The following RPL34 variants were observed in gnomAD, a reference collection of about 807,000 sequenced individuals.
RPL34 encodes the protein large ribosomal subunit protein eL34.
RPL34 carries 2 observed loss-of-function variants against 16.3 expected under a neutral mutation model. The ratio of observed to expected loss-of-function variants is 0.12; its 90% CI spans 0.05 to 0.39. The LOEUF (loss-of-function observed/expected upper bound fraction) is 0.39. RPL34 is among the 10% of genes least tolerant of loss of function. The pLI is 0.99. For missense variants in RPL34, 82 were observed against 148.8 expected, an observed-to-expected ratio of 0.55 and a Z score of 2.33; for synonymous variants, 47 against 48.5, an observed-to-expected ratio of 0.97 and a Z score of 0.13.
chr4:108,628,757 C>T (rs1240819798), downstream of RPL34, among the ~76,000 whole-genome samples: 1 of 151,966 alleles, frequency 6.6e-6, no homozygotes, highest in Non-Finnish European at 1.5e-5. Context: ...TAACAAACAG[C>T]TTTGTAGACT....
Position 108,622,154 on chromosome 4 carries a change from G to A in RPL34, c.115G>A (p.Gly39Arg), listed in dbSNP as rs1435599552. ...TGTTTACCTTTATACCAAGAAGGTT[G>A]GGAAAGCACCAAAATCTGCATGTGG... is the stretch of plus-strand genomic sequence containing the variant. Reference protein sequence around the residue: ...RIVYLYTKKVGKAPKSACGVC... With the variant: ...RIVYLYTKKVRKAPKSACGVC... The change falls in exon 3 of 5, where the codon GGG (glycine) becomes AGG (arginine). Residue 39 changes from glycine to arginine, a missense_variant. Transcript: ENST00000394667. 6.2e-7 allele frequency: 1 copy of A among 1,613,540 alleles called. No homozygotes were observed. Among genetic ancestry groups the A allele is most frequent in the Non-Finnish European group, 8.5e-7 (1 of 1,179,978 alleles).
At chr4:108,627,209 C>G (rs936426325), downstream of RPL34, among the ~76,000 whole-genome samples, 2 of 151,802 alleles carry the variant, frequency 1.3e-5, no homozygotes, top group African/African-American at 4.8e-5. Flanking sequence ...ACTGTACTCT[C>G]GCCTGTGCGA....
At chr4:108,627,682 T>C (rs1460151970), downstream of RPL34, among the ~76,000 whole-genome samples, 1 of 151,892 alleles carries the variant, frequency 6.6e-6, no homozygotes, top group Non-Finnish European at 1.5e-5. Context: ...ACCAGTATGG[T>C]GAAACCCCGT....
At chr4:108,624,197 C>G (rs1247484857) in intron 4 of RPL34, among the ~76,000 whole-genome samples, 1 of 152,124 alleles carries the variant, frequency 6.6e-6, no homozygotes, top group Non-Finnish European at 1.5e-5. Flanking sequence ...TAGAAATTAG[C>G]ATTGTTAGCT....
intron 1 of RPL34, chr4:108,621,369 T>C (rs1179457988): frequency 6.5e-6 from 1 of 153,604 alleles, no homozygotes; most frequent in African/African-American, 2.4e-5. Flanking sequence ...CCAAAGAAAC[T>C]TGTGTAATAT....
At chr4:108,625,743 G>C (rs1245860959), downstream of RPL34, among the ~76,000 whole-genome samples, 1 of 152,126 alleles carries the variant, frequency 6.6e-6, no homozygotes, top group South Asian at 2.1e-4. Context: ...AATTTTTTTG[G>C]TGACAGCTCT....
rs1725825582 is a variant in RPL34, at chr4:108,622,495, T to C, written c.166-20T>C. ...TTTCTGTTAAAGCATCACAAAAATC[T>C]TAATATTTTTCTTATGCAGGTTCGT... is the stretch of plus-strand genomic sequence containing the variant. On this transcript the variant is annotated intron_variant, in intron 3 of 4. Transcript: ENST00000394667. 1 of 1,581,656 alleles carries C rather than the reference T, an allele frequency of 6.3e-7. No individual in the cohort carries two copies.
At chr4:108,629,764 TAAG>T (rs1352502481), downstream of RPL34, among the ~76,000 whole-genome samples, 1 of 152,230 alleles carries the variant, frequency 6.6e-6, no homozygotes, top group African/African-American at 2.4e-5. Context: ...TCCAAATGTT[TAAG>T]TAAGCAAATC....
chr4:108,628,336 C>G (rs1432819461), downstream of RPL34, among the ~76,000 whole-genome samples: 1 of 147,202 alleles, frequency 6.8e-6, no homozygotes, highest in Non-Finnish European at 1.5e-5. Flanking sequence ...TATACTGCAC[C>G]AAGCAGTTCT....
downstream of RPL34, among the ~76,000 whole-genome samples, chr4:108,627,116 G>A (rs1372535158): frequency 6.6e-6 from 1 of 152,122 alleles, no homozygotes; most frequent in Non-Finnish European, 1.5e-5. Context: ...GTATGCGTCT[G>A]TAATCCCAGT....
downstream of RPL34, among the ~76,000 whole-genome samples, chr4:108,626,757 C>T (rs1726016466): frequency 6.6e-6 from 1 of 152,066 alleles, no homozygotes; most frequent in African/African-American, 2.4e-5. Flanking sequence ...CTCTTAAAGC[C>T]ATAACAAGCT....
At chr4:108,622,443 C>G in intron 3 of RPL34, 72 bp from the exon 4 acceptor site, 1 of 1,196,484 alleles carries the variant, frequency 8.4e-7, no homozygotes, top group South Asian at 1.2e-5. Context: ...TAAACTTGCC[C>G]TTAACACTTA....
chr4:108,629,949 A>G (rs1726123883), downstream of RPL34: 1 of 152,200 alleles, frequency 6.6e-6, no homozygotes, highest in Non-Finnish European at 1.5e-5. Context: ...ATTGTGAAGC[A>G]GTTCTGAATG....
chr4:108,623,585 A>G (rs1408093081), intron 4 of RPL34, among the ~76,000 whole-genome samples: 3 of 151,938 alleles, frequency 2.0e-5, no homozygotes, highest in East Asian at 1.9e-4. Flanking sequence ...GATTTTTTGT[A>G]TTTTTAGTAG....
intron 4 of RPL34, 32 bp downstream of exon 4, chr4:108,622,650 G>T (rs370115676): frequency 7.4e-7 from 1 of 1,358,608 alleles, no homozygotes; most frequent in Non-Finnish European, 1.0e-6. Context: ...GCTTTCCTTA[G>T]CAAATTATTG....
chr4:108,628,378 A>G (rs1726082045), downstream of RPL34, among the ~76,000 whole-genome samples: 1 of 152,244 alleles, frequency 6.6e-6, no homozygotes, highest in African/African-American at 2.4e-5. Context: ...TGATATAACC[A>G]TCTAAAAATT....
At chr4:108,626,343 G>T (rs563362711), downstream of RPL34, among the ~76,000 whole-genome samples, 4 of 151,964 alleles carry the variant, frequency 2.6e-5, no homozygotes, top group African/African-American at 9.7e-5. Flanking sequence ...TTCCTAGGCT[G>T]GTCTCAAAAC....
At chr4:108,621,174 G>C (rs1235653912) in intron 1 of RPL34, 2 of 152,160 alleles carry the variant, frequency 1.3e-5, no homozygotes, top group Admixed American at 6.5e-5. Flanking sequence ...TTAGTGAGAG[G>C]CTTGTGACAA....
intron 4 of RPL34, 135 bp from the exon 5 acceptor site, chr4:108,624,993 G>A (rs903374647): frequency 2.2e-5 from 14 of 624,054 alleles, no homozygotes; most frequent in African/African-American, 2.2e-4. Context: ...GTTTTACTCT[G>A]TATTTGTGTA....
Sources: allele counts gnomAD v4.1 joint callset (sites outside exome capture counted in the v4.1 genomes callset), GRCh38; gene constraint gnomAD v4.1.1; transcripts MANE v1.5; gene names NCBI Gene and HGNC (gene_info 2026-07-23, HGNC 2026-07-21).